Variants in KCND3 observed in about 807,000 individuals in gnomAD.
KCND3 encodes the protein A-type voltage-gated potassium channel KCND3.
KCND3 carries 9 observed loss-of-function variants against 51.1 expected under a neutral mutation model. That is an observed-to-expected ratio of 0.18 (90% CI 0.11 to 0.31). The LOEUF (loss-of-function observed/expected upper bound fraction) is 0.31, where lower values mean the gene tolerates loss of function less well. KCND3 is among the 10% of genes least tolerant of loss of function. The pLI, the probability that KCND3 is intolerant of heterozygous loss-of-function variation, is 1.00. For missense variants in KCND3, 526 were observed against 903.8 expected, an observed-to-expected ratio of 0.58 and a Z score of 5.36; for synonymous variants, 349 against 368.0, an observed-to-expected ratio of 0.95 and a Z score of 0.59.
At position 111,801,891 on chromosome 1, in the gene KCND3, C is replaced by T. The variant is rs1665330509; in HGVS notation, c.1107-14785G>A. Among the ~76,000 whole-genome samples, 3 of 152,218 alleles carry T rather than the reference C, an allele frequency of 2.0e-5. No homozygotes were observed. In the South Asian group the frequency reaches 6.2e-4, roughly 31 times the overall value. On this transcript the variant is annotated intron_variant, in intron 2 of 7. Coordinates refer to ENST00000302127, the MANE Select transcript of KCND3 (RefSeq NM_001378969.1). ...ATTGTACAGGGTGGCAGGACCTACA[C>T]CCACGTGGCACAGGAATCCTCTCCA...
rs190705465 is a variant in KCND3 at position 111,771,736 on chromosome 1, C to T, written c.*4341G>A. The stretch of plus-strand genomic sequence containing the variant: ...GTTGACATTTTTGTTAATTATAGAT[C>T]GGCATTAACTGTCAACTTTAAGTTC... On this transcript the variant is annotated 3_prime_UTR_variant, in exon 8 of 8. Transcript: ENST00000302127. The T allele has an allele frequency of 8.9e-4, 135 of 152,274 alleles. No individual in the cohort carries two copies. Among genetic ancestry groups the T allele is most frequent in the African/African-American group, 2.9e-3 (119 of 41,550 alleles). The allele number at this position is 152,274 out of a possible 1,614,324, so 9.4% of individuals were successfully genotyped here. A position where few individuals can be genotyped will look rare whatever the true frequency, so the allele number is the denominator to read the frequency against.
At position 111,780,285 on chromosome 1, in the gene KCND3, C is replaced by T. The variant is rs763634755; in HGVS notation, c.1401G>A (p.Lys467=). Residue 467 remains lysine, a synonymous_variant, in exon 5 of 8, where the codon AAG becomes AAA. Coordinates refer to ENST00000302127, the MANE Select transcript of KCND3 (RefSeq NM_001378969.1). The surrounding 1 kb of genome is among the most constrained non-coding windows in gnomAD (Gnocchi z 4.2). The part of the protein sequence containing the change: ...TGTPEEEHMG[K]TTSLIESQHH... ...GCTGGCTCTCGATGAGTGAGGTGGT[C>T]TTGCCCATGTGCTCCTCTTCTGGGG... The T allele has an allele frequency of 7.6e-6, 12 of 1,582,130 alleles. No individual in the cohort carries two copies. Among genetic ancestry groups the T allele is most frequent in the Non-Finnish European group, 1.0e-5 (12 of 1,162,912 alleles).
At chr1:111,862,611 G>T (rs537227755) in intron 2 of KCND3, among the ~76,000 whole-genome samples, 16 of 152,320 alleles carry the variant, frequency 1.1e-4, no homozygotes, top group African/African-American at 3.8e-4. Context: ...AACCGTGTAG[G>T]AGTTCAAAGT....
intron 2 of KCND3, among the ~76,000 whole-genome samples, chr1:111,894,893 G>GGAGGAA (rs1366915655): frequency 2.0e-5 from 3 of 152,000 alleles, no homozygotes; most frequent in African/African-American, 4.8e-5. Flanking sequence ...AGGAGGAGGA[G>GGAGGAA]GAGGAAGAGG....
intron 2 of KCND3, chr1:111,909,272 G>A (rs2101810101): frequency 6.6e-6 from 1 of 152,322 alleles, no homozygotes; most frequent in African/African-American, 2.4e-5. Flanking sequence ...TGGCCAATCA[G>A]GCTTTCCAGG....
At position 111,940,073 on chromosome 1, in the gene KCND3, G is replaced by GTTTTTTTTTTTTTTTTTTT. The variant is rs61088602; in HGVS notation, c.1106+41529_1106+41547dup. On this transcript the variant is annotated intron_variant, in intron 2 of 7. Coordinates refer to ENST00000302127, the MANE Select transcript of KCND3 (RefSeq NM_001378969.1). ...TATATCCTTCGCCTACTTTTTGATG[G>GTTTTTTTTTTTTTTTTTTT]TTTTTTTTTTTTTTTTTTTTTTTGT... is the stretch of plus-strand genomic sequence containing the variant. 2.1e-3 allele frequency among the ~76,000 whole-genome samples: 182 copies of GTTTTTTTTTTTTTTTTTTT among 85,458 alleles called. 3 individuals carry two copies. Among genetic ancestry groups the GTTTTTTTTTTTTTTTTTTT allele is most frequent in the Non-Finnish European group, 2.8e-3 (134 of 47,746 alleles). 56.1% of individuals were successfully genotyped at this position (85,458 alleles called of 152,430 possible).
chr1:111,799,551 G>A (rs1665200255), intron 2 of KCND3, among the ~76,000 whole-genome samples: 1 of 152,168 alleles, frequency 6.6e-6, no homozygotes, highest in Admixed American at 6.5e-5. Flanking sequence ...GAACCCTCCT[G>A]TTGTCACTTG....
At chr1:111,807,137 G>A (rs1273098940) in intron 2 of KCND3, among the ~76,000 whole-genome samples, 1 of 152,152 alleles carries the variant, frequency 6.6e-6, no homozygotes, top group Non-Finnish European at 1.5e-5. Flanking sequence ...CAAAGATAAA[G>A]CATATAAGGG....
chr1:111,850,750 G>A (rs1310630096), intron 2 of KCND3, among the ~76,000 whole-genome samples: 1 of 152,196 alleles, frequency 6.6e-6, no homozygotes, highest in African/African-American at 2.4e-5. Flanking sequence ...AGCATTCTCA[G>A]CCAGGGACTG....
chr1:111,777,000 C>T lies in KCND3; in HGVS notation c.1766+26G>A, dbSNP rs369415709. 6.9e-5 allele frequency: 111 copies of T among 1,612,246 alleles called. No individual in the cohort carries two copies. The Middle Eastern group carries it at 7.9e-4, about 12-fold the overall frequency. ...GTGAATGGGATGATTCGAGCCTTTG[C>T]GGGTGATGGGATGGAAGCCACCCAC... On this transcript the variant is annotated intron_variant, in intron 7 of 7. Transcript: ENST00000302127.
chr1:111,869,152 C>T (rs1056717453), intron 2 of KCND3, among the ~76,000 whole-genome samples: 10 of 152,330 alleles, frequency 6.6e-5, no homozygotes, highest in Admixed American at 2.0e-4. Context: ...AATCAGAATG[C>T]TTCTTTCTCC....
At chr1:111,845,262 T>C (rs1472774159) in intron 2 of KCND3, among the ~76,000 whole-genome samples, 1 of 152,166 alleles carries the variant, frequency 6.6e-6, no homozygotes, top group Non-Finnish European at 1.5e-5. Flanking sequence ...AATTCTCTCC[T>C]GGTTTTTCTC....
chr1:111,797,338 G>C (rs960359345), intron 2 of KCND3, among the ~76,000 whole-genome samples: 1 of 152,180 alleles, frequency 6.6e-6, no homozygotes, highest in Admixed American at 6.5e-5. Flanking sequence ...ACATCGGGTG[G>C]GAGATCCTGC....
intron 2 of KCND3, among the ~76,000 whole-genome samples, chr1:111,867,510 T>G (rs1369537591): frequency 6.6e-6 from 1 of 152,220 alleles, no homozygotes; most frequent in Non-Finnish European, 1.5e-5. Context: ...CGCCTTAGGA[T>G]GCTTTTAGAG....
chr1:111,963,987 AAAG>A (rs1278652072), intron 2 of KCND3, among the ~76,000 whole-genome samples: 2 of 152,220 alleles, frequency 1.3e-5, no homozygotes, highest in Admixed American at 6.5e-5. Flanking sequence ...CCTCCCCAAG[AAAG>A]AAGAAGAGAA....
rs1220724543 is a variant in KCND3 at position 111,989,545 on chromosome 1, C to T, written c.-113G>A. Among the ~76,000 whole-genome samples the T allele has an allele frequency of 6.7e-6, 1 of 149,978 alleles. No homozygotes were observed. Among genetic ancestry groups the T allele is most frequent in the African/African-American group, 2.4e-5 (1 of 41,130 alleles). ...CCCGGGCCCCGCGCCCGGCGCCCCGCGCGCGCGAGGAAGCTGCGGCCGGGA... is the reference window on the plus strand; with the variant it reads ...CCCGGGCCCCGCGCCCGGCGCCCCGTGCGCGCGAGGAAGCTGCGGCCGGGA... On this transcript the variant is annotated 5_prime_UTR_variant, in exon 1 of 8. Coordinates refer to ENST00000302127, the MANE Select transcript of KCND3 (RefSeq NM_001378969.1).
chr1:111,785,684 C>T (rs1433095496), intron 3 of KCND3, among the ~76,000 whole-genome samples: 1 of 152,064 alleles, frequency 6.6e-6, no homozygotes, highest in East Asian at 1.9e-4. Context: ...GCTTTCGTAA[C>T]CTTTATAGCT....
At chr1:111,961,990 T>C (rs1226376032) in intron 2 of KCND3, among the ~76,000 whole-genome samples, 2 of 152,148 alleles carry the variant, frequency 1.3e-5, no homozygotes, top group East Asian at 1.9e-4. Flanking sequence ...CTGGTATTCC[T>C]GGGTGAGCCA....
intron 2 of KCND3, among the ~76,000 whole-genome samples, chr1:111,891,519 C>T (rs1669818375): frequency 6.6e-6 from 1 of 152,162 alleles, no homozygotes; most frequent in Non-Finnish European, 1.5e-5. Flanking sequence ...ATGTGCCCTC[C>T]CTCAGCTCCC....
Sources: gnomAD v4.1 joint callset for allele counts (sites outside exome capture counted in the v4.1 genomes callset) on GRCh38, gnomAD v4.1.1 for gene constraint, Gnocchi (gnomAD v3.1) non-coding constraint, MANE v1.5 for transcripts, NCBI Gene and HGNC (gene_info 2026-07-23, HGNC 2026-07-21) for gene names.